MGAT4C: variants seen among roughly 807,000 people sequenced by gnomAD.
MGAT4C encodes MGAT4 family member C.
Under a neutral mutation model 40.1 loss-of-function variants are expected in MGAT4C, and 19 were observed. That is an observed-to-expected ratio of 0.47 (90% CI 0.33 to 0.70). The LOEUF (loss-of-function observed/expected upper bound fraction) is 0.70. Among genes scored for constraint, MGAT4C ranks in the 30% least tolerant of loss-of-function variants. The probability of loss-of-function intolerance (pLI) is 0.02; values close to 1 mark genes in which losing one functional copy is unlikely to be tolerated. For synonymous variants in MGAT4C, 181 were observed against 187.1 expected (o/e 0.97, Z 0.27); for missense variants, 491 against 563.2 (o/e 0.87, Z 1.30).
chr12:86,264,419 G>T (rs909534520), intron 4 of MGAT4C, among the ~76,000 whole-genome samples: 1 of 151,778 alleles, frequency 6.6e-6, no homozygotes, highest in Non-Finnish European at 1.5e-5. Flanking sequence ...CGTTTTGATT[G>T]CAGGAGAGGC....
At chr12:86,812,666 T>C (rs1226542315) in intron 1 of MGAT4C, among the ~76,000 whole-genome samples, 4 of 152,132 alleles carry the variant, frequency 2.6e-5, no homozygotes, top group African/African-American at 9.6e-5. Flanking sequence ...AGCATTTCCT[T>C]TTCCATCCTT....
chr12:85,991,058 G>T (rs772665620), intron 2 of MGAT4C, among the ~76,000 whole-genome samples: 1 of 152,188 alleles, frequency 6.6e-6, no homozygotes, highest in Non-Finnish European at 1.5e-5. Flanking sequence ...AGTGGAGGGT[G>T]AGCAAGATGA....
intron 2 of MGAT4C, among the ~76,000 whole-genome samples, chr12:86,680,790 A>C (rs1006986972): frequency 6.6e-6 from 1 of 151,998 alleles, no homozygotes; most frequent in Non-Finnish European, 1.5e-5. Context: ...TGTGATAGGA[A>C]AATCATTATA....
intron 2 of MGAT4C, among the ~76,000 whole-genome samples, chr12:86,668,926 T>C (rs563977701): frequency 8.5e-5 from 13 of 152,192 alleles, no homozygotes; most frequent in Admixed American, 6.5e-4. Flanking sequence ...ATCCAGGCAT[T>C]TGGAGCACCT....
intron 1 of MGAT4C, among the ~76,000 whole-genome samples, chr12:86,835,813 T>C (rs746305621): frequency 7.3e-5 from 11 of 151,708 alleles, no homozygotes; most frequent in Non-Finnish European, 1.5e-4. Flanking sequence ...AACTGCAAAA[T>C]AGACATGTGA....
chr12:86,423,966 A>G (rs1302740199), intron 3 of MGAT4C, among the ~76,000 whole-genome samples: 3 of 152,222 alleles, frequency 2.0e-5, no homozygotes, highest in South Asian at 2.1e-4. Flanking sequence ...GAGAGATACA[A>G]TCTTCCACTT....
Position 86,704,003 on chromosome 12 carries a change from T to G in MGAT4C, c.-229+23206A>C, listed in dbSNP as rs11104045. ...TAGACACAACTGTTTTAGACCACAA[T>G]TTGCTTAAAGTAACCAAGGACAGTA... On this transcript the variant is annotated intron_variant, in intron 2 of 7. Coordinates refer to the MGAT4C transcript ENST00000548651. Among the ~76,000 whole-genome samples, 150 of 152,210 alleles carry G rather than the reference T, an allele frequency of 9.9e-4. 2 individuals are homozygous for G. In the East Asian group the frequency reaches 0.024, roughly 25 times the overall value.
intron 1 of MGAT4C, among the ~76,000 whole-genome samples, chr12:86,168,313 G>C (rs1276343427): frequency 6.6e-6 from 1 of 152,086 alleles, no homozygotes; most frequent in Admixed American, 6.6e-5. Context: ...ATTACTTCTT[G>C]AGAAATTATC....
At chr12:86,593,074 T>C (rs1272075816) in intron 2 of MGAT4C, among the ~76,000 whole-genome samples, 2 of 149,826 alleles carry the variant, frequency 1.3e-5, no homozygotes, top group African/African-American at 4.9e-5. Flanking sequence ...ACATTTGTAC[T>C]TTTTTTTTTC....
intron 2 of MGAT4C, among the ~76,000 whole-genome samples, chr12:86,629,942 T>G (rs1419863247): frequency 6.6e-6 from 1 of 151,282 alleles, no homozygotes. Context: ...AAAAAACCAT[T>G]CAAAAATCAA....
chr12:86,013,864 T>C (rs1416546562), intron 2 of MGAT4C: 1 of 664,132 alleles, frequency 1.5e-6, no homozygotes, highest in Non-Finnish European at 1.9e-6. Context: ...CTTCTTTTTC[T>C]TTGTTACAAC....
At chr12:86,832,098 C>G (rs1011244000) in intron 1 of MGAT4C, among the ~76,000 whole-genome samples, 2 of 151,636 alleles carry the variant, frequency 1.3e-5, no homozygotes, top group African/African-American at 4.8e-5. Context: ...ATACTGTAGG[C>G]ACATCAGATG....
intron 2 of MGAT4C, among the ~76,000 whole-genome samples, chr12:86,489,755 G>T (rs369768662): frequency 6.6e-6 from 1 of 152,248 alleles, no homozygotes; most frequent in Admixed American, 6.5e-5. Context: ...GTCCTGCAAA[G>T]GAGTTAAGAA....
At chr12:86,373,538 G>C (rs889626878) in intron 3 of MGAT4C, among the ~76,000 whole-genome samples, 3 of 151,688 alleles carry the variant, frequency 2.0e-5, no homozygotes, top group African/African-American at 7.3e-5. Context: ...TAGATAAGTA[G>C]ATAAACAGTA....
At chr12:86,235,631 A>G (rs774596336) in intron 1 of MGAT4C, among the ~76,000 whole-genome samples, 3 of 152,096 alleles carry the variant, frequency 2.0e-5, no homozygotes, top group African/African-American at 2.4e-5. Flanking sequence ...CTGAAATGCC[A>G]TATCATTGTA....
intron 1 of MGAT4C, among the ~76,000 whole-genome samples, chr12:86,181,008 C>T (rs753840542): frequency 3.2e-4 from 49 of 152,102 alleles, no homozygotes; most frequent in Non-Finnish European, 4.9e-4. Flanking sequence ...AGAATTCCCA[C>T]GTGTTGCAAG....
intron 1 of MGAT4C, among the ~76,000 whole-genome samples, chr12:86,753,164 C>T (rs997327055): frequency 6.6e-6 from 1 of 152,238 alleles, no homozygotes. Context: ...AATAAAATCT[C>T]TCCAGCAAGG....
At chr12:85,993,285 T>A (rs932641304) in intron 2 of MGAT4C, among the ~76,000 whole-genome samples, 5 of 152,128 alleles carry the variant, frequency 3.3e-5, no homozygotes, top group Non-Finnish European at 5.9e-5. Context: ...GAGCTTTATA[T>A]CTTATATAGG....
chr12:86,580,580 C>T (rs1012052837), intron 2 of MGAT4C, among the ~76,000 whole-genome samples: 4 of 151,314 alleles, frequency 2.6e-5, no homozygotes, highest in Admixed American at 6.6e-5. Flanking sequence ...AAATTATGTC[C>T]GATAGTCACA....
Sources: allele counts gnomAD v4.1 joint callset (sites outside exome capture counted in the v4.1 genomes callset), GRCh38; gene constraint gnomAD v4.1.1; transcripts MANE v1.5; gene names NCBI Gene and HGNC (gene_info 2026-07-23, HGNC 2026-07-21).